The following NEK11 variants were observed in gnomAD, a reference collection of about 807,000 sequenced individuals.
NEK11 encodes serine/threonine-protein kinase Nek11.
Under a neutral mutation model 80.7 loss-of-function variants are expected in NEK11, and 72 were observed. The observed-to-expected ratio is 0.89, with a 90% CI of 0.74 to 1.08. The LOEUF is 1.08. Among genes scored for constraint, NEK11 ranks in the 50% least tolerant of loss-of-function variants. NEK11 has a pLI of 0.00. For missense variants in NEK11, 764 were observed against 763.6 expected, an observed-to-expected ratio of 1.00 and a Z score of -0.01; for synonymous variants, 251 against 260.7, an observed-to-expected ratio of 0.96 and a Z score of 0.36.
At chr3:131,193,344 T>C (rs2093876153) in intron 14 of NEK11, among the ~76,000 whole-genome samples, 1 of 152,092 alleles carries the variant, frequency 6.6e-6, no homozygotes, top group Non-Finnish European at 1.5e-5. Context: ...AATAACATAT[T>C]GGTATTGTTA....
At chr3:131,223,435 G>T (rs1363446707) in intron 14 of NEK11, among the ~76,000 whole-genome samples, 1 of 152,138 alleles carries the variant, frequency 6.6e-6, no homozygotes, top group Non-Finnish European at 1.5e-5. Flanking sequence ...GTAGGAGAGG[G>T]AAAGGGACTA....
chr3:131,219,898 A>G (rs763817798), intron 14 of NEK11, among the ~76,000 whole-genome samples: 21 of 152,156 alleles, frequency 1.4e-4, no homozygotes, highest in Admixed American at 6.6e-4. Context: ...CACTACACCC[A>G]CTTACAAATG....
At position 131,165,401 on chromosome 3, in the gene NEK11, T is replaced by C. The variant is rs567274091; in HGVS notation, c.1083-25T>C. 9 of 1,423,462 alleles carry C rather than the reference T, an allele frequency of 6.3e-6. No individual in the cohort carries two copies. The East Asian group carries it at 2.1e-4, about 33-fold the overall frequency. 88.2% of individuals were successfully genotyped at this position (1,423,462 alleles called of 1,614,324 possible). On this transcript the variant is annotated intron_variant, in intron 11 of 17. Transcript: ENST00000383366. ...TGGTTTTAGCAATTCGCAGTTATTTTTCTACATTCACTTTAAATTTACAGA... is the reference window on the plus strand; with the variant it reads ...TGGTTTTAGCAATTCGCAGTTATTTCTCTACATTCACTTTAAATTTACAGA...
At chr3:131,283,935 A>T (rs1447290819) in intron 17 of NEK11, among the ~76,000 whole-genome samples, 2 of 152,214 alleles carry the variant, frequency 1.3e-5, no homozygotes, top group Non-Finnish European at 2.9e-5. Context: ...CCTCTTACTC[A>T]GCTGTCTCAA....
intron 15 of NEK11, among the ~76,000 whole-genome samples, chr3:131,241,463 G>GA (rs1485509756): frequency 6.6e-6 from 1 of 152,004 alleles, no homozygotes; most frequent in East Asian, 1.9e-4. Context: ...AATAGCGTCA[G>GA]AAAAAAGTCT....
chr3:131,291,085 C>T (rs954746802), intron 17 of NEK11, among the ~76,000 whole-genome samples: 3 of 152,080 alleles, frequency 2.0e-5, no homozygotes, highest in African/African-American at 7.3e-5. Flanking sequence ...ATACTCTGTA[C>T]TCTGCTTAGT....
At chr3:131,221,768 G>A (rs148755878) in intron 14 of NEK11, among the ~76,000 whole-genome samples, 35 of 152,282 alleles carry the variant, frequency 2.3e-4, no homozygotes, top group African/African-American at 7.7e-4. Context: ...AGTTGCATCT[G>A]TATGTCATTT....
intron 14 of NEK11, among the ~76,000 whole-genome samples, chr3:131,205,445 C>G (rs771498288): frequency 6.6e-6 from 1 of 152,086 alleles, no homozygotes; most frequent in Non-Finnish European, 1.5e-5. Context: ...AAAAAAGGCT[C>G]CAGTATAGCA....
chr3:131,229,770 G>A (rs1412801405), intron 15 of NEK11, among the ~76,000 whole-genome samples: 3 of 152,086 alleles, frequency 2.0e-5, no homozygotes, highest in African/African-American at 4.8e-5. Context: ...AGCAAAAAAA[G>A]GGATGAGATA....
At chr3:131,078,980 G>A (rs1396326812) in intron 3 of NEK11, among the ~76,000 whole-genome samples, 1 of 150,728 alleles carries the variant, frequency 6.6e-6, no homozygotes, top group African/African-American at 2.4e-5. Flanking sequence ...TCTGAATTCA[G>A]AATACTAGAT....
intron 14 of NEK11, among the ~76,000 whole-genome samples, chr3:131,224,341 CTTCAGCCTCCCAG>C (rs1265635950): frequency 6.6e-6 from 1 of 152,096 alleles, no homozygotes; most frequent in Non-Finnish European, 1.5e-5. Flanking sequence ...GATCCTCCCA[CTTCAGCCTCCCAG>C]TTAGCCGGGA....
chr3:131,344,930 T>G (rs1216026057), intron 17 of NEK11, among the ~76,000 whole-genome samples: 1 of 152,226 alleles, frequency 6.6e-6, no homozygotes, highest in Non-Finnish European at 1.5e-5. Context: ...CAATTCAACA[T>G]GAGATTTGCA....
At chr3:131,154,403 T>C (rs1187417056) in intron 9 of NEK11, among the ~76,000 whole-genome samples, 1 of 152,094 alleles carries the variant, frequency 6.6e-6, no homozygotes, top group Non-Finnish European at 1.5e-5. Flanking sequence ...ATAAGTAATA[T>C]TTTAAAAATC....
intron 4 of NEK11, among the ~76,000 whole-genome samples, chr3:131,087,749 T>C (rs2076197834): frequency 6.6e-6 from 1 of 152,218 alleles, no homozygotes; most frequent in Admixed American, 6.5e-5. Context: ...AATTTGGCAA[T>C]GACGTGCAGC....
At chr3:131,151,311 T>C (rs2089595001) in intron 7 of NEK11, among the ~76,000 whole-genome samples, 2 of 152,192 alleles carry the variant, frequency 1.3e-5, no homozygotes, top group East Asian at 3.9e-4. Flanking sequence ...ATATTGTCAG[T>C]GCTTTGTAAA....
intron 4 of NEK11, among the ~76,000 whole-genome samples, chr3:131,091,453 C>T (rs1267236098): frequency 6.6e-6 from 1 of 152,172 alleles, no homozygotes; most frequent in East Asian, 1.9e-4. Flanking sequence ...CTCTGTTGTT[C>T]TGCATCTCTC....
chr3:131,182,014 C>A (rs906530557), intron 14 of NEK11, among the ~76,000 whole-genome samples: 15 of 151,096 alleles, frequency 9.9e-5, no homozygotes, highest in Admixed American at 9.2e-4. Flanking sequence ...TATAAAGGAA[C>A]TTCCTATTTT....
At chr3:131,042,211 G>T (rs376217560) in intron 3 of NEK11, among the ~76,000 whole-genome samples, 3 of 149,446 alleles carry the variant, frequency 2.0e-5, no homozygotes, top group Non-Finnish European at 4.5e-5. Flanking sequence ...TTTGTTTTTT[G>T]TTTTTTTTTT....
At chr3:131,042,177 C>T (rs2066605034) in intron 3 of NEK11, among the ~76,000 whole-genome samples, 1 of 152,038 alleles carries the variant, frequency 6.6e-6, no homozygotes, top group Non-Finnish European at 1.5e-5. Context: ...ACCGTTTGGG[C>T]AGACACCCAG....
Sources: gnomAD v4.1 joint callset for allele counts (sites outside exome capture counted in the v4.1 genomes callset) on GRCh38, gnomAD v4.1.1 for gene constraint, MANE v1.5 for transcripts, NCBI Gene and HGNC (gene_info 2026-07-23, HGNC 2026-07-21) for gene names.